DNAH5: variants seen among roughly 807,000 people sequenced by gnomAD.
DNAH5 encodes the protein axonemal beta dynein heavy chain 5.
A neutral mutation model predicts 518.2 loss-of-function variants in DNAH5; 372 were observed. The observed-to-expected ratio is 0.72, with a 90% confidence interval of 0.66 to 0.78. The LOEUF is 0.78. Ranked by LOEUF, DNAH5 falls within the 30% of genes least tolerant of loss-of-function variation. DNAH5 has a pLI of 0.00. For synonymous variants in DNAH5, 2,039 were observed against 2,025.9 expected, an observed-to-expected ratio of 1.01 and a Z score of -0.17; for missense variants, 5,523 against 5,687.0, an observed-to-expected ratio of 0.97 and a Z score of 0.93.
At chr5:13,936,713 T>G (rs1373978) in intron 1 of DNAH5, among the ~76,000 whole-genome samples, 8,602 of 152,238 alleles carry the variant, frequency 0.057, 367 homozygotes, top group African/African-American at 0.11. Flanking sequence ...ACATCAAAAT[T>G]TAAGTGAAAC....
At position 13,830,017 on chromosome 5, in the gene DNAH5, G is replaced by C. The variant is rs774561411; in HGVS notation, c.6249+9C>G. 3 of 1,609,290 alleles carry C rather than the reference G, an allele frequency of 1.9e-6. No homozygotes were observed. The highest frequency in any genetic ancestry group is 2.2e-5 in the East Asian group (1 of 44,698). On this transcript the variant is annotated intron_variant, in intron 37 of 78. Coordinates refer to ENST00000265104, the MANE Select transcript of DNAH5 (RefSeq NM_001369.3). The stretch of plus-strand genomic sequence containing the variant: ...CTGAAATTCAGTAGCTTTTCTAGCA[G>C]CTCCTTACCATGGTTAAGAAAAGCC...
intron 40 of DNAH5, among the ~76,000 whole-genome samples, chr5:13,822,788 C>T (rs1423302112): frequency 6.6e-6 from 1 of 152,038 alleles, no homozygotes; most frequent in Non-Finnish European, 1.5e-5. Context: ...GTGGGTTCCC[C>T]CACCCTACCC....
rs1036984681 is a variant in DNAH5 at position 13,855,396 on chromosome 5, G to A, written c.4950+4056C>T. Among the ~76,000 whole-genome samples, 8 of 83,928 alleles carry A rather than the reference G, an allele frequency of 9.5e-5. 1 individual carries two copies. Among genetic ancestry groups the A allele is most frequent in the African/African-American group, 2.5e-4 (6 of 23,756 alleles). The allele number at this position is 83,928 out of a possible 152,430, so 55.1% of individuals were successfully genotyped here. ...GCTAATTTTTTGTATTTTTAGTAGAGACGGGGTTTCACCGTTTTAGCCGGG... is the reference window on the plus strand; with the variant it reads ...GCTAATTTTTTGTATTTTTAGTAGAAACGGGGTTTCACCGTTTTAGCCGGG... On this transcript the variant is annotated intron_variant, in intron 30 of 78. Transcript: ENST00000265104.
chr5:13,801,945 C>T (rs958618958), intron 47 of DNAH5, among the ~76,000 whole-genome samples: 1 of 151,944 alleles, frequency 6.6e-6, no homozygotes, highest in Admixed American at 6.6e-5. Flanking sequence ...TCTAGAGTAG[C>T]CATTTCTAAG....
rs1768643592 is a variant in DNAH5, at chr5:13,862,759, G to A, written c.4597-12C>T. ...CTGATACAGATGTCCTATCAAAATGGCAAGCTCTCATGTTATTGCATGAAA... is the reference window on the plus strand; with the variant it reads ...CTGATACAGATGTCCTATCAAAATGACAAGCTCTCATGTTATTGCATGAAA... On this transcript the variant is annotated splice_polypyrimidine_tract_variant and intron_variant, in intron 28 of 78. Coordinates refer to ENST00000265104, the MANE Select transcript of DNAH5 (RefSeq NM_001369.3). 1 of 1,607,332 alleles carries A rather than the reference G, an allele frequency of 6.2e-7. No individual in the cohort carries two copies. Among genetic ancestry groups the A allele is most frequent in the African/African-American group, 1.3e-5 (1 of 74,778 alleles).
At position 13,752,297 on chromosome 5, in the gene DNAH5, C is replaced by T. The variant is rs775390566; in HGVS notation, c.10873-8G>A. 8.1e-6 allele frequency: 13 copies of T among 1,613,830 alleles called. No individual in the cohort carries two copies. Among genetic ancestry groups the T allele is most frequent in the African/African-American group, 8.0e-5 (6 of 74,906 alleles). On this transcript the variant is annotated splice_polypyrimidine_tract_variant and splice_region_variant and intron_variant, in intron 63 of 78. Coordinates refer to ENST00000265104, the MANE Select transcript of DNAH5 (RefSeq NM_001369.3). ...GTGATTTAAAGACGTGATCTAGGAA[C>T]AGGATCACAAGGTTGCTATTGGCAG...
At position 13,998,269 on chromosome 5, in the gene DNAH5, G is replaced by A. The variant is rs531597240; in HGVS notation, c.12+13379C>T. 4.6e-5 allele frequency among the ~76,000 whole-genome samples: 7 copies of A among 152,276 alleles called. No homozygotes were observed. In the East Asian group the frequency reaches 1.4e-3, roughly 29 times the overall value. On this transcript the variant is annotated intron_variant, in intron 1 of 78. Coordinates refer to the DNAH5 transcript ENST00000681290. ...TTGCTGCACCTCACATAGTGGAAGGGCTGATGGGACTAACAGACTTCCTTA... is the reference window on the plus strand; with the variant it reads ...TTGCTGCACCTCACATAGTGGAAGGACTGATGGGACTAACAGACTTCCTTA...
At position 13,814,596 on chromosome 5, in the gene DNAH5, C is replaced by A. The variant is rs774222731; in HGVS notation, c.7230+9G>T. 2 of 1,613,262 alleles carry A rather than the reference C, an allele frequency of 1.2e-6. No individual in the cohort carries two copies. The highest frequency in any genetic ancestry group is 1.7e-6 in the Non-Finnish European group (2 of 1,179,486). ...TTTTTAATTATACAAAAGAAGGATT[C>A]AATTATACCTCAAGAATAGGACTCC... is the stretch of plus-strand genomic sequence containing the variant. On this transcript the variant is annotated intron_variant, in intron 43 of 78. Transcript: ENST00000265104.
chr5:13,845,831 C>CG (rs1765914951), intron 31 of DNAH5, among the ~76,000 whole-genome samples: 3 of 130,076 alleles, frequency 2.3e-5, no homozygotes, highest in Non-Finnish European at 4.9e-5. Flanking sequence ...CCTTTTTTGA[C>CG]CTTTTTTTTT....
chr5:14,009,155 T>C (rs537888970), intron 1 of DNAH5, among the ~76,000 whole-genome samples: 2 of 152,152 alleles, frequency 1.3e-5, no homozygotes. Flanking sequence ...AGAAAGGCCA[T>C]AAGAAGCAAA....
intron 22 of DNAH5, among the ~76,000 whole-genome samples, chr5:13,873,684 A>G (rs1770465556): frequency 6.7e-6 from 1 of 148,728 alleles, no homozygotes; most frequent in South Asian, 2.1e-4. Context: ...TTATTTTTGT[A>G]GAGACGAGAT....
At chr5:13,703,855 A>G (rs549799694) in intron 76 of DNAH5, among the ~76,000 whole-genome samples, 1 of 152,192 alleles carries the variant, frequency 6.6e-6, no homozygotes, top group Non-Finnish European at 1.5e-5. Flanking sequence ...TCAGCCTCAC[A>G]TGCAGTTAGG....
intron 3 of DNAH5, 26 bp from the exon 4 acceptor site, chr5:13,923,466 T>C (rs779758876): frequency 1.6e-5 from 26 of 1,613,516 alleles, no homozygotes; most frequent in Non-Finnish European, 2.1e-5. Flanking sequence ...AATTTTAGTT[T>C]CACAAATGCT....
intron 47 of DNAH5, among the ~76,000 whole-genome samples, chr5:13,794,688 G>A (rs932123684): frequency 6.6e-6 from 1 of 152,186 alleles, no homozygotes; most frequent in Non-Finnish European, 1.5e-5. Flanking sequence ...CCTTGAGGCC[G>A]GGCACGGTGG....
chr5:13,793,964 A>G lies in DNAH5; in HGVS notation c.7982T>C (p.Met2661Thr). ...KMTVFIDDVN[M>T]PIINEWGDQV... ...ATCTCCCCACTCATTGATTATTGGC[A>G]TATTCACATCATCAATAAAAACAGT... is the stretch of plus-strand genomic sequence containing the variant. The change falls in exon 48 of 79, where the codon ATG (methionine) becomes ACG (threonine). Residue 2661 changes from methionine to threonine, a missense_variant. By Grantham distance (81) the Met-to-Thr change is moderately conservative. Around this residue, in one of 3 missense-constraint regions of DNAH5, gnomAD observed 5,121 missense variants for 5,223.3 expected, o/e 0.98. Coordinates refer to ENST00000265104, the MANE Select transcript of DNAH5 (RefSeq NM_001369.3). 6.2e-7 allele frequency: 1 copy of G among 1,614,116 alleles called. No individual in the cohort carries two copies. Among genetic ancestry groups the G allele is most frequent in the South Asian group, 1.1e-5 (1 of 91,078 alleles).
chr5:13,930,257 T>C lies in DNAH5; in HGVS notation c.192+853A>G, dbSNP rs117438276. On this transcript the variant is annotated intron_variant, in intron 2 of 78. Coordinates refer to ENST00000265104, the MANE Select transcript of DNAH5 (RefSeq NM_001369.3). ...CCCAGGATATCCAATGGATCATAAC[T>C]CTTTACAACTCAACATTTCGTTAAC... Among the ~76,000 whole-genome samples the C allele has an allele frequency of 3.1e-3, 471 of 152,250 alleles. 11 individuals carry two copies. The East Asian group carries it at 0.071, about 23-fold the overall frequency.
chr5:13,810,455 G>T, intron 44 of DNAH5, 195 bp from the exon 45 acceptor site: 1 of 640,468 alleles, frequency 1.6e-6, no homozygotes, highest in Non-Finnish European at 2.8e-6. Flanking sequence ...AACATAATAG[G>T]GTTGGCCGGG....
In DNAH5 at chr5:13,770,890, C is replaced by A; in HGVS notation, c.9464G>T (p.Gly3155Val). The change falls in exon 56 of 79, where the codon GGG (glycine) becomes GTG (valine). Residue 3155 changes from glycine (G) to valine (V), a missense_variant. Gly to Val is a moderately radical substitution (Grantham distance 109, BLOSUM62 -3). Transcript: ENST00000265104. ...ATAATCAACACACTTCTCAGCCACC[C>A]CATCCTGGAAGGAGCCCATGCATTG... ...VVQCMGSFQD[G>V]VAEKCVDYFQ... 6.2e-7 allele frequency: 1 copy of A among 1,613,970 alleles called. No individual in the cohort carries two copies. Among genetic ancestry groups the A allele is most frequent in the Non-Finnish European group, 8.5e-7 (1 of 1,179,994 alleles).
rs374363250 is a variant in DNAH5, at chr5:13,860,041, A to G, written c.4797-436T>C. On this transcript the variant is annotated intron_variant, in intron 29 of 78. Transcript: ENST00000265104. ...ACCAGACAACTAATTCAATCTTCAAATATGATAACACCTGGACTCTCTCCT... is the reference window on the plus strand; with the variant it reads ...ACCAGACAACTAATTCAATCTTCAAGTATGATAACACCTGGACTCTCTCCT... Among the ~76,000 whole-genome samples, 6 of 152,158 alleles carry G rather than the reference A, an allele frequency of 3.9e-5. 1 individual carries two copies. The East Asian group carries it at 7.7e-4, about 20-fold the overall frequency.
Sources: allele counts gnomAD v4.1 joint callset (sites outside exome capture counted in the v4.1 genomes callset), GRCh38; gene constraint gnomAD v4.1.1; regional missense constraint gnomAD v4.1.1; transcripts MANE v1.5; gene names NCBI Gene and HGNC (gene_info 2026-07-23, HGNC 2026-07-21).